The following AMBRA1 variants were observed in gnomAD, a reference collection of about 807,000 sequenced individuals.
The protein encoded by AMBRA1 is autophagy and beclin 1 regulator 1.
In AMBRA1, 47 loss-of-function variants were observed where a neutral mutation model predicts 125.4. The observed-to-expected ratio is 0.37, with a 90% CI of 0.30 to 0.48. AMBRA1 has a LOEUF of 0.48. AMBRA1 is among the 20% of genes least tolerant of loss of function. The pLI is 0.99. For synonymous variants in AMBRA1, 626 were observed against 655.5 expected, an observed-to-expected ratio of 0.95 and a Z score of 0.69; for missense variants, 1,331 against 1,693.4, an observed-to-expected ratio of 0.79 and a Z score of 3.76.
At chr11:46,400,866 C>T (rs1945720178) in intron 17 of AMBRA1, among the ~76,000 whole-genome samples, 1 of 152,164 alleles carries the variant, frequency 6.6e-6, no homozygotes, top group South Asian at 2.1e-4. Flanking sequence ...TGCCCTCCAT[C>T]CCTCAAGGTG....
chr11:46,547,673 T>C (rs979272101), intron 3 of AMBRA1, 144 bp downstream of exon 3: 7 of 760,236 alleles, frequency 9.2e-6, no homozygotes, highest in Non-Finnish European at 1.5e-5. Flanking sequence ...ATCTACTTTC[T>C]TTCCCTTTCC....
Position 46,397,198 on chromosome 11 carries a change from T to G in AMBRA1, c.*252A>C, listed in dbSNP as rs1258652846. On this transcript the variant is annotated 3_prime_UTR_variant, in exon 18 of 18. Transcript: ENST00000683756. ...CCTGGCAGAGATACCCACTTGTTCC[T>G]CTATTCACATTAAGCCCACAGTGTG... The G allele has an allele frequency of 1.3e-5, 5 of 394,430 alleles. No individual in the cohort carries two copies. Among genetic ancestry groups the G allele is most frequent in the Admixed American group, 4.3e-5 (1 of 23,188 alleles). The allele number at this position is 394,430 out of a possible 1,614,324, so 24.4% of individuals were successfully genotyped here.
Position 46,542,135 on chromosome 11 carries a change from TG to T in AMBRA1, c.1881del (p.Ser628AlafsTer7), listed in dbSNP as rs1369383043. 1.2e-6 allele frequency: 2 copies of T among 1,613,960 alleles called. No individual in the cohort carries two copies. Among genetic ancestry groups the T allele is most frequent in the Non-Finnish European group, 1.7e-6 (2 of 1,179,940 alleles). ...CTGCTCAACTCCAGCCTGCTGGAGC[TG>T]GGCGTTTGGCCCTCAGTCCGCTCGA... ...PPLERTEGQTPSSSRLELSSS... is the reference protein window; with the variant it reads ...PPLERTEGQTXSSSRLELSSS... On this transcript the variant is annotated frameshift_variant, in exon 7 of 18. Transcript: ENST00000683756. LOFTEE classifies it high-confidence loss of function. This position sits in a 1 kb window ranked among gnomAD's most constrained non-coding sequence, Gnocchi z 5.9.
chr11:46,497,505 A>T (rs755668440), intron 9 of AMBRA1, among the ~76,000 whole-genome samples: 7 of 152,204 alleles, frequency 4.6e-5, no homozygotes, highest in Non-Finnish European at 5.9e-5. Flanking sequence ...AGTGTTGAGA[A>T]CTCTGAAGGA....
At chr11:46,488,135 A>G (rs917586702) in intron 11 of AMBRA1, among the ~76,000 whole-genome samples, 2 of 152,220 alleles carry the variant, frequency 1.3e-5, no homozygotes, top group African/African-American at 4.8e-5. Flanking sequence ...ACCTAATGAC[A>G]AAGTCACAAA....
chr11:46,589,706 G>A (rs569592477), intron 1 of AMBRA1, among the ~76,000 whole-genome samples: 160 of 151,848 alleles, frequency 1.1e-3, no homozygotes, highest in African/African-American at 3.5e-3. Context: ...TGCAAGCTCC[G>A]CCTACCGGGT....
intron 1 of AMBRA1, among the ~76,000 whole-genome samples, chr11:46,561,969 T>A (rs913868575): frequency 1.3e-5 from 2 of 152,214 alleles, no homozygotes; most frequent in Non-Finnish European, 2.9e-5. Flanking sequence ...GGTATTATGT[T>A]GGCACTGTTC....
chr11:46,399,698 G>A (rs1054651807), intron 17 of AMBRA1, among the ~76,000 whole-genome samples: 1 of 152,174 alleles, frequency 6.6e-6, no homozygotes, highest in African/African-American at 2.4e-5. Flanking sequence ...CCTTGGAAGG[G>A]CTGTTTCCTT....
intron 1 of AMBRA1, among the ~76,000 whole-genome samples, chr11:46,555,772 A>C (rs2043141148): frequency 6.6e-6 from 1 of 152,254 alleles, no homozygotes; most frequent in Non-Finnish European, 1.5e-5. Flanking sequence ...TTATAGCTGT[A>C]TCTAAAACCT....
At chr11:46,432,020 G>A (rs1362067472) in intron 14 of AMBRA1, among the ~76,000 whole-genome samples, 3 of 152,058 alleles carry the variant, frequency 2.0e-5, no homozygotes, top group East Asian at 3.9e-4. Context: ...ATGATAAAGA[G>A]GATGCTTTAT....
chr11:46,433,015 A>G (rs1380724798), intron 14 of AMBRA1, among the ~76,000 whole-genome samples: 3 of 152,226 alleles, frequency 2.0e-5, no homozygotes, highest in Non-Finnish European at 4.4e-5. Context: ...GAATGGGATG[A>G]TTAAGAATAC....
intron 7 of AMBRA1, among the ~76,000 whole-genome samples, chr11:46,517,603 G>A (rs1212082935): frequency 6.7e-6 from 1 of 148,706 alleles, no homozygotes; most frequent in African/African-American, 2.5e-5. Context: ...GGGAGGCTGA[G>A]GCAGGTGGAT....
Position 46,508,167 on chromosome 11 carries a change from A to C in AMBRA1, c.2339+24T>G, listed in dbSNP as rs752159469. ...CTCCAAGCTTGAGAGGAGAGGGAAG[A>C]AAGCAAGCTGAGTATGTACTTACTC... On this transcript the variant is annotated intron_variant, in intron 9 of 17. Transcript: ENST00000683756. 1.1e-5 allele frequency: 18 copies of C among 1,613,232 alleles called. 1 individual carries two copies. Among genetic ancestry groups the C allele is most frequent in the Non-Finnish European group, 1.5e-5 (18 of 1,179,352 alleles).
At chr11:46,537,673 AAAG>A (rs1952543380) in intron 7 of AMBRA1, among the ~76,000 whole-genome samples, 1 of 152,214 alleles carries the variant, frequency 6.6e-6, no homozygotes, top group South Asian at 2.1e-4. Flanking sequence ...CCCACAGGCA[AAAG>A]GAGACAAACC....
intron 7 of AMBRA1, among the ~76,000 whole-genome samples, chr11:46,523,465 GTCC>G (rs1565250059): frequency 6.6e-6 from 1 of 152,080 alleles, no homozygotes; most frequent in Non-Finnish European, 1.5e-5. Context: ...GCACATTAAC[GTCC>G]TCCAGCATGT....
chr11:46,419,993 A>ACACACACAC (rs1189328993), intron 14 of AMBRA1, among the ~76,000 whole-genome samples: 1 of 3,718 alleles, frequency 2.7e-4, no homozygotes, highest in African/African-American at 7.6e-4. Context: ...ACGTGTCCTC[A>ACACACACAC]ATACACACAC....
At chr11:46,502,096 A>AT (rs1325981657) in intron 9 of AMBRA1, among the ~76,000 whole-genome samples, 2 of 151,712 alleles carry the variant, frequency 1.3e-5, no homozygotes, top group Non-Finnish European at 1.5e-5. Context: ...TTTTGTTTTA[A>AT]TTTTTTATGA....
intron 1 of AMBRA1, among the ~76,000 whole-genome samples, chr11:46,577,956 C>T (rs1194592513): frequency 1.3e-5 from 2 of 151,716 alleles, no homozygotes; most frequent in African/African-American, 4.8e-5. Context: ...ATCTCAAAAA[C>T]AAAACGAAAC....
In AMBRA1 at chr11:46,542,605, C is replaced by G. The variant is rs754496852; in HGVS notation, c.1412G>C (p.Gly471Ala). ...AGTTGCCAACCCTGATGCCGGAAAACCCCTCCCTTCTGTGGCTGAAGTGTA... is the reference window on the plus strand; with the variant it reads ...AGTTGCCAACCCTGATGCCGGAAAAGCCCTCCCTTCTGTGGCTGAAGTGTA... The part of the protein sequence containing the change: ...SVYTSATEGR[G>A]FPASGLATES... Residue 471 changes from glycine (G) to alanine (A), a missense_variant, in exon 7 of 18, where the codon GGT becomes GCT. By Grantham distance (60) the Gly-to-Ala change is moderately conservative (BLOSUM62 0). Transcript: ENST00000683756. This position sits in a 1 kb window ranked among gnomAD's most constrained non-coding sequence, Gnocchi z 5.9. 2 of 1,613,904 alleles carry G rather than the reference C, an allele frequency of 1.2e-6. No individual in the cohort carries two copies. Among genetic ancestry groups the G allele is most frequent in the Non-Finnish European group, 1.7e-6 (2 of 1,180,040 alleles).
Sources: allele counts gnomAD v4.1 joint callset (sites outside exome capture counted in the v4.1 genomes callset), GRCh38; gene constraint gnomAD v4.1.1; non-coding constraint Gnocchi (gnomAD v3.1); transcripts MANE v1.5; gene names NCBI Gene and HGNC (gene_info 2026-07-23, HGNC 2026-07-21).